The following PRRC2B variants were observed in gnomAD, a reference collection of about 807,000 sequenced individuals.
The protein encoded by PRRC2B is proline rich coiled-coil 2B.
A neutral mutation model predicts 242.3 loss-of-function variants in PRRC2B; 68 were observed. The ratio of observed to expected loss-of-function variants is 0.28; its 90% CI spans 0.23 to 0.34. PRRC2B has a LOEUF of 0.34. PRRC2B is among the 10% of genes least tolerant of loss of function. PRRC2B has a pLI of 1.00. For synonymous variants in PRRC2B, 1,228 were observed against 1,173.6 expected (o/e 1.05, Z -0.95); for missense variants, 2,835 against 2,954.8 (o/e 0.96, Z 0.94).
At chr9:131,420,485 C>CTTCTCTTCTCTTCTCT (rs1837792753) in intron 1 of PRRC2B, among the ~76,000 whole-genome samples, 1 of 15,750 alleles carries the variant, frequency 6.3e-5, no homozygotes, top group African/African-American at 1.6e-4. Context: ...TTCTTTCTTT[C>CTTCTCTTCTCTTCTCT]TTTCTTTCTT....
At chr9:131,400,537 C>T (rs756344623) in intron 1 of PRRC2B, among the ~76,000 whole-genome samples, 46 of 152,044 alleles carry the variant, frequency 3.0e-4, no homozygotes, top group Non-Finnish European at 5.0e-4. Flanking sequence ...AGGCTGGTCT[C>T]GAAATCCTGA....
At chr9:131,382,341 C>T (rs983434036) in intron 1 of PRRC2B, among the ~76,000 whole-genome samples, 8 of 152,146 alleles carry the variant, frequency 5.3e-5, no homozygotes, top group Admixed American at 5.2e-4. Context: ...GTAAATCTTA[C>T]CCTCATTTGT....
In PRRC2B at chr9:131,425,661, T is replaced by C. The variant is rs377217743; in HGVS notation, c.-51-4433T>C. ...TGCCACCACGCCAGGCTCATTTTTT[T>C]TGTATTATTAGTAGAGATGGGGTTT... On this transcript the variant is annotated intron_variant, in intron 1 of 31. Coordinates refer to ENST00000683519, the MANE Select transcript of PRRC2B (RefSeq NM_013318.4). Among the ~76,000 whole-genome samples, 36 of 151,470 alleles carry C rather than the reference T, an allele frequency of 2.4e-4. 1 individual carries two copies. In the East Asian group the frequency reaches 5.0e-3, roughly 21 times the overall value.
chr9:131,385,793 A>T (rs1465200626), intron 1 of PRRC2B, among the ~76,000 whole-genome samples: 1 of 149,874 alleles, frequency 6.7e-6, no homozygotes, highest in African/African-American at 2.4e-5. Context: ...TCCTGGGTTC[A>T]CGCCATTCTC....
intron 2 of PRRC2B, among the ~76,000 whole-genome samples, chr9:131,430,812 C>T (rs1041996641): frequency 9.2e-5 from 14 of 151,376 alleles, no homozygotes; most frequent in African/African-American, 3.4e-4. Context: ...AGGCTGGTCT[C>T]AAACTCGTGA....
intron 24 of PRRC2B, 64 bp from the exon 25 acceptor site, chr9:131,484,884 T>TTG: frequency 6.4e-7 from 1 of 1,574,124 alleles, no homozygotes; most frequent in South Asian, 1.2e-5. Flanking sequence ...AAAGCTTAGA[T>TTG]TGGCTCTGTC....
At chr9:131,456,481 A>C (rs1341975114) in intron 10 of PRRC2B, among the ~76,000 whole-genome samples, 2 of 151,914 alleles carry the variant, frequency 1.3e-5, no homozygotes, top group East Asian at 1.9e-4. Context: ...AATACAAAAA[A>C]CTAGCTGGGC....
chr9:131,465,880 A>C (rs1403476243), intron 12 of PRRC2B, among the ~76,000 whole-genome samples: 1 of 152,062 alleles, frequency 6.6e-6, no homozygotes, highest in African/African-American at 2.4e-5. Flanking sequence ...GTGTGCCACG[A>C]CGCCCAGCTA....
Position 131,486,131 on chromosome 9 carries a change from T to G in PRRC2B, c.5805T>G (p.Ser1935Arg). 1 of 1,613,260 alleles carries G rather than the reference T, an allele frequency of 6.2e-7. No homozygotes were observed. The highest frequency in any genetic ancestry group is 8.5e-7 in the Non-Finnish European group (1 of 1,179,602). Reference sequence around the variant, plus strand: ...ACCTGGATGGCCATGTGTTTGCAAGTCAGCCCCGGCTGGTTCCTCAAACGA... The same window carrying G: ...ACCTGGATGGCCATGTGTTTGCAAGGCAGCCCCGGCTGGTTCCTCAAACGA... ...PLYLDGHVFA[S>R]QPRLVPQTIP... The change falls in exon 26 of 32, where the codon AGT becomes AGG. Residue 1935 changes from serine to arginine, a missense_variant. Physicochemically the swap from Ser to Arg is moderately radical, Grantham distance 110 (BLOSUM62 -1). Coordinates refer to ENST00000683519, the MANE Select transcript of PRRC2B (RefSeq NM_013318.4).
rs1456810918 is a variant in PRRC2B at position 131,425,842 on chromosome 9, T to C, written c.-51-4252T>C. 2.0e-5 allele frequency among the ~76,000 whole-genome samples: 3 copies of C among 151,618 alleles called. No individual in the cohort carries two copies. In the East Asian group the frequency reaches 5.9e-4, roughly 30 times the overall value. On this transcript the variant is annotated intron_variant, in intron 1 of 31. Transcript: ENST00000683519. ...AAACAAATGTATTTCTGGTCAGTTT[T>C]CAGAATTAAATGACATTTTAGCTGG... is the stretch of plus-strand genomic sequence containing the variant.
At position 131,444,096 on chromosome 9, in the gene PRRC2B, G is replaced by A. The variant is rs1270872344; in HGVS notation, c.470-89G>A. ...ACTCCCTTCAAAAGCCCACTTCCAG[G>A]CAACACGGCTTTCAAGGTGTGGAGC... On this transcript the variant is annotated intron_variant, in intron 5 of 31. Transcript: ENST00000683519. 2.0e-6 allele frequency: 3 copies of A among 1,477,638 alleles called. No homozygotes were observed. In the Admixed American group the frequency reaches 5.5e-5, roughly 27 times the overall value. 91.5% of individuals were successfully genotyped at this position (1,477,638 alleles called of 1,614,324 possible).
chr9:131,400,747 G>T (rs1837206909), intron 1 of PRRC2B, among the ~76,000 whole-genome samples: 1 of 152,186 alleles, frequency 6.6e-6, no homozygotes, highest in Non-Finnish European at 1.5e-5. Flanking sequence ...GGTTCTGGGG[G>T]GTCTCAGTCC....
chr9:131,479,190 T>A, intron 18 of PRRC2B, 62 bp from the exon 19 acceptor site: 3 of 1,558,098 alleles, frequency 1.9e-6, no homozygotes, highest in African/African-American at 2.7e-5. Context: ...ATACTTATCC[T>A]GGGGAGAATT....
At chr9:131,445,323 G>C (rs1316740355) in intron 6 of PRRC2B, among the ~76,000 whole-genome samples, 2 of 152,164 alleles carry the variant, frequency 1.3e-5, no homozygotes, top group Non-Finnish European at 2.9e-5. Context: ...ACCACACCCA[G>C]CTAATTTTGT....
intron 4 of PRRC2B, among the ~76,000 whole-genome samples, chr9:131,438,429 A>G (rs1451034198): frequency 1.3e-5 from 2 of 152,022 alleles, no homozygotes; most frequent in Admixed American, 6.6e-5. Context: ...GACCCTGGCG[A>G]GTTTTCAGCA....
Position 131,447,133 on chromosome 9 carries a change from T to C in PRRC2B, c.904T>C (p.Ser302Pro), listed in dbSNP as rs1006237960. The C allele has an allele frequency of 3.7e-6, 6 of 1,613,932 alleles. No homozygotes were observed. In the Admixed American group the frequency reaches 8.3e-5, roughly 22 times the overall value. The part of the protein sequence containing the change: ...SENQGTVERG[S>P]FPLPQLRLEP... ...AAACCAGGGTACAGTGGAACGAGGC[T>C]CTTTTCCCCTTCCTCAGCTCCGCCT... The change falls in exon 8 of 32, where the codon TCT (serine) becomes CCT (proline). Residue 302 changes from serine (S) to proline (P), a missense_variant. Ser to Pro is a moderately conservative substitution (Grantham distance 74). Transcript: ENST00000683519.
chr9:131,481,327 A>AAAAAAG (rs1943859317), intron 19 of PRRC2B, among the ~76,000 whole-genome samples: 1 of 151,436 alleles, frequency 6.6e-6, no homozygotes, highest in African/African-American at 2.4e-5. Context: ...AAAAAAAAAA[A>AAAAAAG]AAAAAGAAAG....
At chr9:131,420,508 T>TCCTTCCTTCC (rs1837807733) in intron 1 of PRRC2B, among the ~76,000 whole-genome samples, 2 of 129,594 alleles carry the variant, frequency 1.5e-5, no homozygotes, top group Admixed American at 8.1e-5. Context: ...TTTTTTTTTT[T>TCCTTCCTTCC]TTGAGATGGA....
At chr9:131,486,798 G>A (rs1190208525) in intron 26 of PRRC2B, among the ~76,000 whole-genome samples, 1 of 152,210 alleles carries the variant, frequency 6.6e-6, no homozygotes, top group Non-Finnish European at 1.5e-5. Context: ...CTTAACTGCT[G>A]TATTGTTTGG....
Sources: allele counts gnomAD v4.1 joint callset (sites outside exome capture counted in the v4.1 genomes callset), GRCh38; gene constraint gnomAD v4.1.1; transcripts MANE v1.5; gene names NCBI Gene and HGNC (gene_info 2026-07-23, HGNC 2026-07-21).